Variants in PLEKHG7 observed in about 807,000 individuals in gnomAD.
The protein encoded by PLEKHG7 is pleckstrin homology domain-containing family G member 7.
Under a neutral mutation model 85.2 loss-of-function variants are expected in PLEKHG7, and 77 were observed. That is an observed-to-expected ratio of 0.90 (90% CI 0.75 to 1.09). The LOEUF (loss-of-function observed/expected upper bound fraction) is 1.09. Among genes scored for constraint, PLEKHG7 ranks in the 50% least tolerant of loss-of-function variants. PLEKHG7 has a pLI of 0.00. For synonymous variants in PLEKHG7, 301 were observed against 302.4 expected, an observed-to-expected ratio of 1.00 and a Z score of 0.05; for missense variants, 777 against 804.3, an observed-to-expected ratio of 0.97 and a Z score of 0.41.
intron 3 of PLEKHG7, among the ~76,000 whole-genome samples, chr12:92,718,310 G>A (rs1368782010): frequency 2.6e-5 from 4 of 152,230 alleles, no homozygotes; most frequent in East Asian, 1.9e-4. Flanking sequence ...CACTCTTCCA[G>A]CAGCATCAGC....
chr12:92,754,357 C>A lies in PLEKHG7; in HGVS notation c.1426+93C>A, dbSNP rs1160444379. 6 of 1,251,860 alleles carry A rather than the reference C, an allele frequency of 4.8e-6. No individual in the cohort carries two copies. The East Asian group carries it at 7.4e-5, about 15-fold the overall frequency. The allele number at this position is 1,251,860 out of a possible 1,614,324, so 77.5% of individuals were successfully genotyped here. A position where few individuals can be genotyped will look rare whatever the true frequency, so the allele number is the denominator to read the frequency against. ...GCTTCCATCCTAGGAGGTAATTCCA[C>A]TGATTTGAGGTCATGGCTCTTGGAA... On this transcript the variant is annotated intron_variant, in intron 11 of 16. Coordinates refer to ENST00000344636, the MANE Select transcript of PLEKHG7 (RefSeq NM_001377329.1).
At chr12:92,759,103 A>G (rs1872915401) in intron 13 of PLEKHG7, among the ~76,000 whole-genome samples, 1 of 152,344 alleles carries the variant, frequency 6.6e-6, no homozygotes, top group South Asian at 2.1e-4. Context: ...AATTTCTCCC[A>G]GCCTTAAAAA....
At chr12:92,733,684 C>A (rs1872057464) in intron 5 of PLEKHG7, among the ~76,000 whole-genome samples, 1 of 152,136 alleles carries the variant, frequency 6.6e-6, no homozygotes, top group Non-Finnish European at 1.5e-5. Flanking sequence ...CCCCCCTAGC[C>A]CTCCCGAGGG....
rs1265314994 is a variant in PLEKHG7, at chr12:92,711,568, A to G, written c.530+3896A>G. ...AGGTCGCATGGTGACTTGATGACCC[A>G]TAGTCAAATGTTCAGTTTCCACCAA... On this transcript the variant is annotated intron_variant, in intron 3 of 16. Transcript: ENST00000344636. 3.3e-5 allele frequency among the ~76,000 whole-genome samples: 5 copies of G among 152,150 alleles called. No homozygotes were observed. In the East Asian group the frequency reaches 7.7e-4, roughly 23 times the overall value.
At chr12:92,710,916 T>C (rs1311065250) in intron 3 of PLEKHG7, among the ~76,000 whole-genome samples, 1 of 152,202 alleles carries the variant, frequency 6.6e-6, no homozygotes, top group East Asian at 1.9e-4. Context: ...AGGTCACCCA[T>C]TCATGAGCAC....
At chr12:92,730,500 T>G (rs1871952469) in intron 4 of PLEKHG7, among the ~76,000 whole-genome samples, 1 of 152,244 alleles carries the variant, frequency 6.6e-6, no homozygotes, top group Admixed American at 6.5e-5. Context: ...AGCAGTCTGT[T>G]AGTCCATTTT....
rs765732602 is a variant in PLEKHG7 at position 92,756,331 on chromosome 12, G to A, written c.1576G>A (p.Glu526Lys). ...LKHIFKEHMA[E>K]NILSPTSRHL... is the part of the protein sequence containing the mutation. ...ACACATTTTTAAAGAACACATGGCA[G>A]AAAACATCTTGTCACCAACCAGCAG... Residue 526 changes from glutamate (E) to lysine (K), a missense_variant, in exon 13 of 17, where the codon GAA becomes AAA. By Grantham distance (56) the Glu-to-Lys change is moderately conservative. Coordinates refer to ENST00000344636, the MANE Select transcript of PLEKHG7 (RefSeq NM_001377329.1). The A allele has an allele frequency of 1.2e-6, 2 of 1,612,854 alleles. No homozygotes were observed. Among genetic ancestry groups the A allele is most frequent in the South Asian group, 2.2e-5 (2 of 91,036 alleles).
chr12:92,741,039 A>G (rs1872341097), intron 8 of PLEKHG7, 91 bp downstream of exon 8: 2 of 837,280 alleles, frequency 2.4e-6, no homozygotes, highest in East Asian at 5.1e-5. Context: ...GTATGCCATA[A>G]TACATCTCCA....
At position 92,706,693 on chromosome 12, in the gene PLEKHG7, G is replaced by A. The variant is rs202006804; in HGVS notation, c.62G>A (p.Arg21Gln). 241 of 1,613,916 alleles carry A rather than the reference G, an allele frequency of 1.5e-4. No homozygotes were observed. Among genetic ancestry groups the A allele is most frequent in the Middle Eastern group, 3.3e-4 (2 of 6,084 alleles). ...CCCCAAGACTGTGGAGCCTCTCCTC[G>A]GCCCTCGCTGAGGAGCCTGCCAAAG... is the stretch of plus-strand genomic sequence containing the variant. ...VPPQDCGASP[R>Q]PSLRSLPKNQ... Residue 21 changes from arginine to glutamine, a missense_variant, in exon 2 of 17, where the codon CGG (arginine) becomes CAG (glutamine). Arg to Gln is a conservative substitution (Grantham distance 43, BLOSUM62 1). Coordinates refer to ENST00000344636, the MANE Select transcript of PLEKHG7 (RefSeq NM_001377329.1).
intron 13 of PLEKHG7, 129 bp from the exon 14 acceptor site, chr12:92,761,623 G>GAAGAAAGAAAGA (rs10601568): frequency 3.9e-5 from 28 of 718,840 alleles, no homozygotes; most frequent in African/African-American, 1.1e-4. Context: ...AAGAAAGAAA[G>GAAGAAAGAAAGA]AAGAAAGAAA....
rs1471957949 is a variant in PLEKHG7, at chr12:92,770,778, C to CGA, written c.*583_*584insGA. On this transcript the variant is annotated 3_prime_UTR_variant, in exon 17 of 17. Coordinates refer to ENST00000344636, the MANE Select transcript of PLEKHG7 (RefSeq NM_001377329.1). The stretch of plus-strand genomic sequence containing the variant: ...AAACTCATCTCAGGTATATAGTACT[C>CGA]TAACGTGGAAGTAGAAAATCCCAAA... 1.3e-5 allele frequency: 2 copies of CGA among 151,944 alleles called. No individual in the cohort carries two copies. The highest frequency in any genetic ancestry group is 4.8e-5 in the African/African-American group (2 of 41,362). The allele number at this position is 151,944 out of a possible 1,614,324, so 9.4% of individuals were successfully genotyped here. A position where few individuals can be genotyped will look rare whatever the true frequency, so the allele number is the denominator to read the frequency against.
intron 11 of PLEKHG7, among the ~76,000 whole-genome samples, chr12:92,754,962 A>G (rs752251526): frequency 1.6e-4 from 25 of 152,172 alleles, no homozygotes; most frequent in Non-Finnish European, 2.8e-4. Context: ...AAAAAAAAGT[A>G]AGACTGTTTA....
chr12:92,713,034 C>T (rs1871393108), intron 3 of PLEKHG7, among the ~76,000 whole-genome samples: 1 of 152,172 alleles, frequency 6.6e-6, no homozygotes, highest in South Asian at 2.1e-4. Context: ...GGCCAGAGGT[C>T]TCCATAGGGA....
rs1873432717 is a variant in PLEKHG7 at position 92,771,552 on chromosome 12, A to T, written c.*1357A>T. 1 of 152,006 alleles carries T rather than the reference A, an allele frequency of 6.6e-6. No homozygotes were observed. Among genetic ancestry groups the T allele is most frequent in the Non-Finnish European group, 1.5e-5 (1 of 67,920 alleles). The allele number at this position is 152,006 out of a possible 1,614,324, so 9.4% of individuals were successfully genotyped here. On this transcript the variant is annotated 3_prime_UTR_variant, in exon 17 of 17. Coordinates refer to ENST00000344636, the MANE Select transcript of PLEKHG7 (RefSeq NM_001377329.1). ...GCTAAGAATAAATGAGGTGGAGGGG[A>T]GAAAAAGGGGAGAATAGACTTCAAG...
intron 3 of PLEKHG7, 93 bp downstream of exon 3, chr12:92,707,765 G>C: frequency 1.3e-6 from 2 of 1,594,346 alleles, no homozygotes; most frequent in South Asian, 2.3e-5. Context: ...AAAGCTGACG[G>C]TGTGTTAACC....
chr12:92,711,124 T>TA (rs1330797654), intron 3 of PLEKHG7, among the ~76,000 whole-genome samples: 1 of 152,194 alleles, frequency 6.6e-6, no homozygotes, highest in East Asian at 1.9e-4. Flanking sequence ...CCATGCAAAG[T>TA]ACACAACCAG....
intron 3 of PLEKHG7, among the ~76,000 whole-genome samples, chr12:92,713,173 C>T (rs1267274852): frequency 1.3e-5 from 2 of 152,306 alleles, no homozygotes; most frequent in East Asian, 3.9e-4. Context: ...TAGTGGGGTC[C>T]TTCCTCAAGG....
intron 3 of PLEKHG7, chr12:92,708,480 A>T (rs1871303198): frequency 6.6e-6 from 1 of 152,258 alleles, no homozygotes. Flanking sequence ...ACCAAGCCAT[A>T]GGGAAATGCA....
At chr12:92,733,550 GTCTGTTTTTCTGACAGA>G (rs1273896529) in intron 5 of PLEKHG7, among the ~76,000 whole-genome samples, 1 of 152,168 alleles carries the variant, frequency 6.6e-6, no homozygotes, top group Non-Finnish European at 1.5e-5. Flanking sequence ...GACGTGCTTT[GTCTGTTTTTCTGACAGA>G]TCTGAGACAA....
Sources: gnomAD v4.1 joint callset for allele counts (sites outside exome capture counted in the v4.1 genomes callset) on GRCh38, gnomAD v4.1.1 for gene constraint, MANE v1.5 for transcripts, NCBI Gene and HGNC (gene_info 2026-07-23, HGNC 2026-07-21) for gene names.